Variants in AKR7A2 observed in about 807,000 individuals in gnomAD.
AKR7A2 encodes the protein aldo-keto reductase family 7 member A2.
In AKR7A2, 29 loss-of-function variants were observed where a neutral mutation model predicts 37.3. The ratio of observed to expected loss-of-function variants is 0.78; its 90% CI spans 0.58 to 1.06. The LOEUF is 1.06. Among genes scored for constraint, AKR7A2 ranks in the 50% least tolerant of loss-of-function variants. The pLI is 0.00. For missense variants in AKR7A2, 529 were observed against 497.9 expected (o/e 1.06, Z -0.59); for synonymous variants, 228 against 217.8 (o/e 1.05, Z -0.41).
rs1436960541 is a variant in AKR7A2 at position 19,312,111 on chromosome 1, G to A, written c.14C>T (p.Ala5Val). The change falls in exon 1 of 7, where the codon GCG (alanine) becomes GTG (valine). Residue 5 changes from alanine to valine, a missense_variant. By Grantham distance (64) the Ala-to-Val change is moderately conservative. Coordinates refer to ENST00000235835, the MANE Select transcript of AKR7A2 (RefSeq NM_003689.4). ...GGCGGCGCGGGAGACTACGCGAGAC[G>A]CGGCACTCAGCATAGCAGCGGCGCC... is the stretch of plus-strand genomic sequence containing the variant. MLSA[A>V]SRVVSRAAVH... 32 of 1,323,226 alleles carry A rather than the reference G, an allele frequency of 2.4e-5. No individual in the cohort carries two copies. In the East Asian group the frequency reaches 7.0e-4, roughly 29 times the overall value. The allele number at this position is 1,323,226 out of a possible 1,614,324, so 82.0% of individuals were successfully genotyped here. A position where few individuals can be genotyped will look rare whatever the true frequency, so the allele number is the denominator to read the frequency against.
intron 3 of AKR7A2, 67 bp from the exon 4 acceptor site, chr1:19,307,477 T>C: frequency 1.3e-6 from 2 of 1,547,542 alleles, no homozygotes; most frequent in Non-Finnish European, 1.8e-6. Flanking sequence ...CCTTCCACTT[T>C]CAAACCTCTA....
At chr1:19,311,125 T>G (rs2093773714) in intron 1 of AKR7A2, among the ~76,000 whole-genome samples, 1 of 152,234 alleles carries the variant, frequency 6.6e-6, no homozygotes, top group Admixed American at 6.5e-5. Context: ...TGCTGAGCCT[T>G]CCCTAGTGCC....
chr1:19,307,612 G>T, intron 3 of AKR7A2: 1 of 640,626 alleles, frequency 1.6e-6, no homozygotes, highest in South Asian at 1.8e-5. Flanking sequence ...ACAAATATCT[G>T]CTGTATGAAC....
chr1:19,308,621 T>C lies in AKR7A2; in HGVS notation c.320A>G (p.Asn107Ser). Residue 107 changes from asparagine to serine, a missense_variant, in exon 2 of 7, where the codon AAC (asparagine) becomes AGC (serine). Asn to Ser is a conservative substitution (Grantham distance 46, BLOSUM62 1). Coordinates refer to ENST00000235835, the MANE Select transcript of AKR7A2 (RefSeq NM_003689.4). ...DCRVKIATKA[N>S]PWDGKSLKPD... Reference sequence around the variant, plus strand: ...CTTTAGTGATTTTCCATCCCAAGGGTTGGCCTTGGTGGCAATTTTCACTTG... The same window carrying C: ...CTTTAGTGATTTTCCATCCCAAGGGCTGGCCTTGGTGGCAATTTTCACTTG... 1 of 1,614,144 alleles carries C rather than the reference T, an allele frequency of 6.2e-7. No individual in the cohort carries two copies. Among genetic ancestry groups the C allele is most frequent in the Non-Finnish European group, 8.5e-7 (1 of 1,180,030 alleles).
At chr1:19,305,938 C>G in intron 6 of AKR7A2, 80 bp downstream of exon 6, 1 of 1,608,360 alleles carries the variant, frequency 6.2e-7, no homozygotes, top group Non-Finnish European at 8.5e-7. Flanking sequence ...ATTCAGAAAT[C>G]AAATGCTTTG....
rs754289779 is a variant in AKR7A2 at position 19,304,328 on chromosome 1, T to A, written c.977A>T (p.Asn326Ile). 1 of 1,614,166 alleles carries A rather than the reference T, an allele frequency of 6.2e-7. No individual in the cohort carries two copies. Among genetic ancestry groups the A allele is most frequent in the Non-Finnish European group, 8.5e-7 (1 of 1,180,026 alleles). The change falls in exon 7 of 7, where the codon AAC becomes ATC. Residue 326 changes from asparagine to isoleucine, a missense_variant. Physicochemically the swap from Asn to Ile is moderately radical, Grantham distance 149 (BLOSUM62 -3). Coordinates refer to ENST00000235835, the MANE Select transcript of AKR7A2 (RefSeq NM_003689.4). Reference protein sequence around the residue: ...GMSSLEQLEQNLAATEEGPLE... With the variant: ...GMSSLEQLEQILAATEEGPLE... ...GGGCCCTTCCTCTGTTGCTGCCAAG[T>A]TCTGCTCCAGCTGCTCCAGGCTGGA...
chr1:19,308,893 A>G (rs967667820), intron 1 of AKR7A2, among the ~76,000 whole-genome samples: 12 of 152,180 alleles, frequency 7.9e-5, no homozygotes, highest in African/African-American at 2.7e-4. Flanking sequence ...CTTGCACTAG[A>G]GACTGAGTAT....
In AKR7A2 at chr1:19,307,389, G is replaced by A. The variant is rs200402102; in HGVS notation, c.613C>T (p.Arg205Trp). The change falls in exon 4 of 7, where the codon CGG (arginine) becomes TGG (tryptophan). Residue 205 changes from arginine to tryptophan, a missense_variant. By Grantham distance (101) the Arg-to-Trp change is moderately radical. Coordinates refer to ENST00000235835, the MANE Select transcript of AKR7A2 (RefSeq NM_003689.4). ...GGGAAGAGCTCCGTTTCCACCTGCC[G>A]GGTGGTGGCGTTGTACATGCCCTGC... is the stretch of plus-strand genomic sequence containing the variant. ...VYQGMYNATTRQVETELFPCL... is the reference protein window; with the variant it reads ...VYQGMYNATTWQVETELFPCL... The A allele has an allele frequency of 3.3e-5, 54 of 1,614,126 alleles. No individual in the cohort carries two copies. In the East Asian group the frequency reaches 7.1e-4, roughly 21 times the overall value.
At chr1:19,307,490 G>C in intron 3 of AKR7A2, 80 bp from the exon 4 acceptor site, 2 of 1,429,832 alleles carry the variant, frequency 1.4e-6, no homozygotes, top group Non-Finnish European at 2.0e-6. Flanking sequence ...AACCTCTAAA[G>C]CAACACCGGC....
intron 6 of AKR7A2, among the ~76,000 whole-genome samples, 186 bp from the exon 7 acceptor site, chr1:19,304,572 C>T (rs189030872): frequency 4.6e-5 from 7 of 152,262 alleles, no homozygotes; most frequent in African/African-American, 1.7e-4. Context: ...ATCCTTTCCC[C>T]TACTGCCGCA....
chr1:19,308,373 C>T (rs574731763), intron 2 of AKR7A2, 82 bp downstream of exon 2: 1 of 1,595,380 alleles, frequency 6.3e-7, no homozygotes, highest in South Asian at 1.1e-5. Context: ...TGGGACTGCC[C>T]TGGTGCCTCT....
rs12753516 is a variant in AKR7A2 at position 19,311,876 on chromosome 1, C to T, written c.249G>A (p.Glu83=). 3 of 1,610,824 alleles carry T rather than the reference C, an allele frequency of 1.9e-6. No individual in the cohort carries two copies. In the South Asian group the frequency reaches 3.3e-5, roughly 18 times the overall value. Residue 83 remains glutamate, a synonymous_variant, in exon 1 of 7, where the codon GAG becomes GAA. Coordinates refer to ENST00000235835, the MANE Select transcript of AKR7A2 (RefSeq NM_003689.4). ...CGAGCCCCAGGCCGCCCAGGATGGTCTCGGACTGGCCGTCGCTGTACATGA... is the reference window on the plus strand; with the variant it reads ...CGAGCCCCAGGCCGCCCAGGATGGTTTCGGACTGGCCGTCGCTGTACATGA... ...TAFMYSDGQS[E]TILGGLGLGL...
rs774182583 is a variant in AKR7A2, at chr1:19,307,299, G to A, written c.688+15C>T. On this transcript the variant is annotated intron_variant, in intron 4 of 6. Transcript: ENST00000235835. ...CAGGAATAGGCTGAGACAGGGTCAG[G>A]AATGCTCCACGTACCAGCCAGAGGG... is the stretch of plus-strand genomic sequence containing the variant. 3.1e-6 allele frequency: 5 copies of A among 1,612,732 alleles called. No homozygotes were observed. The highest frequency in any genetic ancestry group is 3.4e-6 in the Non-Finnish European group (4 of 1,179,924).
rs560580891 is a variant in AKR7A2 at position 19,307,539 on chromosome 1, T to G, written c.592-129A>C. 5 of 993,382 alleles carry G rather than the reference T, an allele frequency of 5.0e-6. No homozygotes were observed. In the African/African-American group the frequency reaches 6.5e-5, roughly 13 times the overall value. 61.5% of individuals were successfully genotyped at this position (993,382 alleles called of 1,614,324 possible). A position where few individuals can be genotyped will look rare whatever the true frequency, so the allele number is the denominator to read the frequency against. On this transcript the variant is annotated intron_variant, in intron 3 of 6. Transcript: ENST00000235835. ...AATATTCTAACATCACTACTGTTAGTAGGGGATGGAGGGAAGGTGTTGGGC... is the reference window on the plus strand; with the variant it reads ...AATATTCTAACATCACTACTGTTAGGAGGGGATGGAGGGAAGGTGTTGGGC...
At chr1:19,311,782 C>G in intron 1 of AKR7A2, 45 bp downstream of exon 1, 1 of 1,607,856 alleles carries the variant, frequency 6.2e-7, no homozygotes, top group Non-Finnish European at 8.5e-7. Context: ...TGGGGACAGG[C>G]TCAGCTCTAC....
intron 2 of AKR7A2, 78 bp from the exon 3 acceptor site, chr1:19,308,340 T>G: frequency 6.2e-7 from 1 of 1,602,088 alleles, no homozygotes. Flanking sequence ...CCCCAGGGAA[T>G]GGGGCTATTC....
Position 19,311,839 on chromosome 1 carries a change from CACCGCCCAGCCCGAGCCCCAG to C in AKR7A2, c.265_285del (p.Leu89_Gly95del), listed in dbSNP as rs755896667. The stretch of plus-strand genomic sequence containing the variant: ...CAGCTACTGTTACCTCTGCAGTCGC[CACCGCCCAGCCCGAGCCCCAG>C]GCCGCCCAGGATGGTCTCGGACTGG... On this transcript the variant is annotated inframe_deletion, in exon 1 of 7. Transcript: ENST00000235835. 2.5e-6 allele frequency: 4 copies of C among 1,610,336 alleles called. No homozygotes were observed. In the South Asian group the frequency reaches 4.4e-5, roughly 18 times the overall value.
At chr1:19,311,533 C>G (rs551265409) in intron 1 of AKR7A2, among the ~76,000 whole-genome samples, 1 of 151,794 alleles carries the variant, frequency 6.6e-6, no homozygotes, top group Admixed American at 6.6e-5. Flanking sequence ...TTGTGGGCAC[C>G]TGGCAGGTTT....
chr1:19,304,819 G>A (rs75811233), intron 6 of AKR7A2, among the ~76,000 whole-genome samples: 263 of 152,208 alleles, frequency 1.7e-3, no homozygotes, highest in African/African-American at 6.1e-3. Flanking sequence ...TGCATGCCTT[G>A]TCCCAGCTAC....
Sources: gnomAD v4.1 joint callset for allele counts (sites outside exome capture counted in the v4.1 genomes callset) on GRCh38, gnomAD v4.1.1 for gene constraint, MANE v1.5 for transcripts, NCBI Gene and HGNC (gene_info 2026-07-23, HGNC 2026-07-21) for gene names.